TLE2: variants seen among roughly 807,000 people sequenced by gnomAD.
TLE2 encodes the protein transducin-like enhancer protein 2.
A neutral mutation model predicts 97.2 loss-of-function variants in TLE2; 74 were observed. The observed-to-expected ratio is 0.76, with a 90% CI of 0.63 to 0.92. The LOEUF is 0.92. Among genes scored for constraint, TLE2 ranks in the 40% least tolerant of loss-of-function variants. The probability of loss-of-function intolerance (pLI) is 0.00; values close to 1 mark genes in which losing one functional copy is unlikely to be tolerated. For synonymous variants in TLE2, 499 were observed against 432.1 expected (o/e 1.15, Z -1.92); for missense variants, 1,038 against 1,008.7 (o/e 1.03, Z -0.39).
chr19:3,017,513 C>T (rs923739360), intron 8 of TLE2, among the ~76,000 whole-genome samples: 25 of 146,858 alleles, frequency 1.7e-4, no homozygotes, highest in Non-Finnish European at 2.1e-4. Context: ...TGCAGTGGCA[C>T]GATCACAGCT....
At chr19:3,004,521 C>A (rs1473565439) in intron 17 of TLE2, among the ~76,000 whole-genome samples, 1 of 151,448 alleles carries the variant, frequency 6.6e-6, no homozygotes, top group Non-Finnish European at 1.5e-5. Flanking sequence ...TTCCTGTAGT[C>A]CCAGCTACTC....
chr19:3,031,491 TTA>T (rs1429586100), upstream of TLE2, among the ~76,000 whole-genome samples: 10 of 151,936 alleles, frequency 6.6e-5, no homozygotes, highest in Admixed American at 6.6e-4. Flanking sequence ...CACCATCTCT[TTA>T]TGTTTTGTTT....
intron 8 of TLE2, 137 bp from the exon 9 acceptor site, chr19:3,015,897 G>A (rs1027989226): frequency 2.8e-6 from 2 of 716,056 alleles, no homozygotes; most frequent in African/African-American, 3.5e-5. Context: ...GGAAATGGGA[G>A]CTTCCAACGG....
chr19:3,025,291 G>T, intron 4 of TLE2: 2 of 1,208,922 alleles, frequency 1.7e-6, no homozygotes, highest in Non-Finnish European at 2.2e-6. Flanking sequence ...CGAGGCCCAG[G>T]GTGGCCTGGA....
intron 1 of TLE2, among the ~76,000 whole-genome samples, chr19:3,034,699 A>T (rs2090049733): frequency 6.6e-6 from 1 of 151,554 alleles, no homozygotes; most frequent in Non-Finnish European, 1.5e-5. Flanking sequence ...ACACACACAC[A>T]CACATACACA....
rs1199830370 is a variant in TLE2, at chr19:3,029,104, C to T, written c.-200G>A. 11 of 1,202,048 alleles carry T rather than the reference C, an allele frequency of 9.2e-6. No homozygotes were observed. Among genetic ancestry groups the T allele is most frequent in the Non-Finnish European group, 6.2e-6 (6 of 967,670 alleles). The allele number at this position is 1,202,048 out of a possible 1,614,324, so 74.5% of individuals were successfully genotyped here. A position where few individuals can be genotyped will look rare whatever the true frequency, so the allele number is the denominator to read the frequency against. On this transcript the variant is annotated 5_prime_UTR_variant, in exon 1 of 20. Coordinates refer to ENST00000262953, the MANE Select transcript of TLE2 (RefSeq NM_003260.5). ...GCCCGGGGTCGTGGGAGCCCCTCCCCGGGTTGGGGTGCGCGGGGCGAGCGG... is the reference window on the plus strand; with the variant it reads ...GCCCGGGGTCGTGGGAGCCCCTCCCTGGGTTGGGGTGCGCGGGGCGAGCGG...
rs181844489 is a variant in TLE2 at position 3,001,981 on chromosome 19, A to G, written c.2047+372T>C. On this transcript the variant is annotated intron_variant, in intron 18 of 19. Transcript: ENST00000262953. Reference sequence around the variant, plus strand: ...CCTGGCTAATTTTTGTACTTTTAATAGAGTCAGGGTTTCACCATGTTGGCC... The same window carrying G: ...CCTGGCTAATTTTTGTACTTTTAATGGAGTCAGGGTTTCACCATGTTGGCC... 4.6e-5 allele frequency among the ~76,000 whole-genome samples: 7 copies of G among 151,850 alleles called. No homozygotes were observed. In the East Asian group the frequency reaches 1.4e-3, roughly 29 times the overall value.
intron 15 of TLE2, 75 bp downstream of exon 15, chr19:3,006,345 C>A: frequency 2.6e-6 from 4 of 1,545,732 alleles, no homozygotes; most frequent in South Asian, 1.2e-5. Context: ...GGCCAGCCTG[C>A]GAACACCGCC....
At chr19:3,018,494 C>A (rs574657772) in intron 7 of TLE2, among the ~76,000 whole-genome samples, 1 of 151,708 alleles carries the variant, frequency 6.6e-6, no homozygotes, top group South Asian at 2.1e-4. Context: ...GGTTTCACCA[C>A]GTTGACCAGG....
At chr19:3,008,994 CCT>C (rs1030848340) in intron 13 of TLE2, 49 bp from the exon 14 acceptor site, 4 of 1,465,202 alleles carry the variant, frequency 2.7e-6, no homozygotes, top group Non-Finnish European at 3.7e-6. Context: ...CTCCAACCCA[CCT>C]CTGTGCCACC....
In TLE2 at chr19:3,019,494, C is replaced by A; in HGVS notation, c.370-31G>T. 3.4e-6 allele frequency: 5 copies of A among 1,487,342 alleles called. No individual in the cohort carries two copies. The highest frequency in any genetic ancestry group is 4.5e-6 in the Non-Finnish European group (5 of 1,122,010). The allele number at this position is 1,487,342 out of a possible 1,614,324, so 92.1% of individuals were successfully genotyped here. On this transcript the variant is annotated intron_variant, in intron 6 of 19. Coordinates refer to ENST00000262953, the MANE Select transcript of TLE2 (RefSeq NM_003260.5). The surrounding 1 kb of genome is among the most constrained non-coding windows in gnomAD (Gnocchi z 5.1). ...AGAAAGGAGGCAGGATGGGCCGGGG[C>A]GGGGGGCGGCAGGAGCCCAGCGGTC...
At chr19:3,011,253 C>T (rs1016767031) in intron 11 of TLE2, 93 bp from the exon 12 acceptor site, 5 of 1,374,486 alleles carry the variant, frequency 3.6e-6, no homozygotes, top group Admixed American at 5.5e-5. Flanking sequence ...GGCGGCCAGT[C>T]GCAGTGTCTC....
intron 17 of TLE2, among the ~76,000 whole-genome samples, chr19:3,004,610 G>T (rs1449744367): frequency 1.6e-5 from 2 of 127,936 alleles, no homozygotes; most frequent in African/African-American, 3.3e-5. Context: ...CAGCAACTCT[G>T]TCTCAAAAAA....
At chr19:3,015,585 G>T in intron 9 of TLE2, 68 bp downstream of exon 9, 1 of 1,289,208 alleles carries the variant, frequency 7.8e-7, no homozygotes. Context: ...GGCTCTGGAA[G>T]GCTCTGAGGG....
chr19:3,042,992 T>A (rs2090115901), intron 1 of TLE2, among the ~76,000 whole-genome samples: 1 of 152,114 alleles, frequency 6.6e-6, no homozygotes, highest in South Asian at 2.1e-4. Flanking sequence ...TAATTTATTT[T>A]TTATTTTTTA....
intron 14 of TLE2, among the ~76,000 whole-genome samples, chr19:3,008,117 T>C (rs1029597210): frequency 1.3e-5 from 2 of 152,052 alleles, no homozygotes; most frequent in Non-Finnish European, 2.9e-5. Flanking sequence ...ACTTTTCAGC[T>C]CCTCAGTTGC....
Position 3,019,446 on chromosome 19 carries a change from C to G in TLE2, c.387G>C (p.Leu129=). 1 of 1,525,996 alleles carries G rather than the reference C, an allele frequency of 6.6e-7. No individual in the cohort carries two copies. Among genetic ancestry groups the G allele is most frequent in the South Asian group, 1.2e-5 (1 of 82,488 alleles). The allele number at this position is 1,525,996 out of a possible 1,614,324, so 94.5% of individuals were successfully genotyped here. A position where few individuals can be genotyped will look rare whatever the true frequency, so the allele number is the denominator to read the frequency against. ...GGGGCACAGGGGGTGCGTGGTGGGA[C>G]AGCGGCTGGAGCTGCTGCTGCTAGA... ...NSLIGQQLQP[L]SHHAPPVPLT... is the part of the protein sequence containing the mutation. The change falls in exon 7 of 20, where the codon CTG becomes CTC. Residue 129 remains leucine, a synonymous_variant. Coordinates refer to ENST00000262953, the MANE Select transcript of TLE2 (RefSeq NM_003260.5). This position sits in a 1 kb window ranked among gnomAD's most constrained non-coding sequence, Gnocchi z 5.1.
At chr19:3,046,287 C>G (rs1202629949), upstream of TLE2, among the ~76,000 whole-genome samples, 5 of 152,260 alleles carry the variant, frequency 3.3e-5, no homozygotes, top group Admixed American at 6.5e-5. Context: ...CCAAGACTGC[C>G]TGAAGGGCAC....
In TLE2 at chr19:3,019,331, C is replaced by T; in HGVS notation, c.502G>A (p.Ala168Thr). 6.4e-7 allele frequency: 1 copy of T among 1,573,494 alleles called. No individual in the cohort carries two copies. The highest frequency in any genetic ancestry group is 8.6e-7 in the Non-Finnish European group (1 of 1,167,906). Residue 168 changes from alanine to threonine, a missense_variant, in exon 7 of 20, where the codon GCG becomes ACG. Ala to Thr is a moderately conservative substitution (Grantham distance 58). Transcript: ENST00000262953. This position sits in a 1 kb window ranked among gnomAD's most constrained non-coding sequence, Gnocchi z 5.1. Reference sequence around the variant, plus strand: ...CCCGCACGGTCCTCCTTGACAGCCGCCGCCAGCTGAGCCTGGGCAGCCAGG... The same window carrying T: ...CCCGCACGGTCCTCCTTGACAGCCGTCGCCAGCTGAGCCTGGGCAGCCAGG... ...GALAAQAQLA[A>T]AVKEDRAGVE...
Sources: allele counts gnomAD v4.1 joint callset (sites outside exome capture counted in the v4.1 genomes callset), GRCh38; gene constraint gnomAD v4.1.1; non-coding constraint Gnocchi (gnomAD v3.1); transcripts MANE v1.5; gene names NCBI Gene and HGNC (gene_info 2026-07-23, HGNC 2026-07-21).